Variants in KCNB2 observed in about 807,000 individuals in gnomAD.
The protein encoded by KCNB2 is delayed rectifier potassium channel protein.
In KCNB2, 15 loss-of-function variants were observed where a neutral mutation model predicts 61.5. That is an observed-to-expected ratio of 0.24 (90% CI 0.16 to 0.38). The LOEUF is 0.38. Ranked by LOEUF, KCNB2 falls within the 10% of genes least tolerant of loss-of-function variation. The pLI is 1.00. For synonymous variants in KCNB2, 457 were observed against 446.0 expected, an observed-to-expected ratio of 1.02 and a Z score of -0.31; for missense variants, 828 against 1,125.2, an observed-to-expected ratio of 0.74 and a Z score of 3.78.
chr8:72,595,037 G>A (rs796823680), intron 2 of KCNB2, among the ~76,000 whole-genome samples: 165 of 152,246 alleles, frequency 1.1e-3, no homozygotes, highest in African/African-American at 3.7e-3. Flanking sequence ...TAGTTTGAAA[G>A]TTCCTGAGGG....
intron 2 of KCNB2, among the ~76,000 whole-genome samples, chr8:72,633,587 T>C (rs1184203572): frequency 6.6e-6 from 1 of 152,136 alleles, no homozygotes; most frequent in Non-Finnish European, 1.5e-5. Context: ...CTGTTTTCTC[T>C]TAGAAGACTC....
intron 2 of KCNB2, among the ~76,000 whole-genome samples, chr8:72,676,515 T>C (rs1806656050): frequency 6.6e-6 from 1 of 150,718 alleles, no homozygotes; most frequent in African/African-American, 2.4e-5. Context: ...TTCTAGGTGG[T>C]ATTAAGAACT....
At chr8:72,747,098 G>C (rs1808088103) in intron 2 of KCNB2, among the ~76,000 whole-genome samples, 1 of 152,128 alleles carries the variant, frequency 6.6e-6, no homozygotes, top group South Asian at 2.1e-4. Flanking sequence ...CAGATCCCTA[G>C]AAATGGAAGG....
At chr8:72,766,060 C>G (rs1481243534) in intron 2 of KCNB2, among the ~76,000 whole-genome samples, 1 of 152,188 alleles carries the variant, frequency 6.6e-6, no homozygotes, top group East Asian at 1.9e-4. Flanking sequence ...TGCTTGTGCA[C>G]AATGAGAGGG....
rs1365575524 is a variant in KCNB2 at position 72,724,087 on chromosome 8, T to C, written c.579+155774T>C. Among the ~76,000 whole-genome samples, 3 of 152,174 alleles carry C rather than the reference T, an allele frequency of 2.0e-5. No homozygotes were observed. In the East Asian group the frequency reaches 5.8e-4, roughly 29 times the overall value. On this transcript the variant is annotated intron_variant, in intron 2 of 2. Coordinates refer to ENST00000523207, the MANE Select transcript of KCNB2 (RefSeq NM_004770.3). Reference sequence around the variant, plus strand: ...TTCAGAGTACCTTCCTCATATGAGTTAGAGCTTCTCATCTTCTGCTCAATT... The same window carrying C: ...TTCAGAGTACCTTCCTCATATGAGTCAGAGCTTCTCATCTTCTGCTCAATT...
chr8:72,770,813 T>C (rs964518197), intron 2 of KCNB2, among the ~76,000 whole-genome samples: 2 of 152,368 alleles, frequency 1.3e-5, no homozygotes. Context: ...ATAGATGCAG[T>C]ATACTGCAAA....
intron 2 of KCNB2, among the ~76,000 whole-genome samples, chr8:72,782,109 T>G (rs1171736225): frequency 6.6e-6 from 1 of 152,076 alleles, no homozygotes; most frequent in African/African-American, 2.4e-5. Flanking sequence ...ATCCTGGAAC[T>G]TAAAATAAAA....
intron 2 of KCNB2, among the ~76,000 whole-genome samples, chr8:72,782,195 T>G (rs1808770194): frequency 1.3e-5 from 2 of 152,182 alleles, no homozygotes; most frequent in Admixed American, 1.3e-4. Flanking sequence ...CATGAAGTTT[T>G]TATTATACTT....
At chr8:72,597,901 A>T (rs995311764) in intron 2 of KCNB2, among the ~76,000 whole-genome samples, 1 of 152,238 alleles carries the variant, frequency 6.6e-6, no homozygotes, top group African/African-American at 2.4e-5. Flanking sequence ...TAGTTCAACC[A>T]TTGTGGAAAA....
At chr8:72,660,304 T>TTTGG (rs1476074319) in intron 2 of KCNB2, among the ~76,000 whole-genome samples, 2 of 152,144 alleles carry the variant, frequency 1.3e-5, no homozygotes, top group Non-Finnish European at 2.9e-5. Flanking sequence ...CGGGAAGTGC[T>TTTGG]TTGGAGTGCC....
At chr8:72,556,847 A>G (rs1490381035) in intron 1 of KCNB2, among the ~76,000 whole-genome samples, 5 of 152,136 alleles carry the variant, frequency 3.3e-5, no homozygotes, top group Non-Finnish European at 7.4e-5. Flanking sequence ...ACTACAGGAT[A>G]TCTTAGACGA....
chr8:72,647,488 C>G (rs1029883068), intron 2 of KCNB2, among the ~76,000 whole-genome samples: 1 of 152,090 alleles, frequency 6.6e-6, no homozygotes, highest in African/African-American at 2.4e-5. Flanking sequence ...GACACCTACT[C>G]AGAGTTATAA....
At chr8:72,624,506 G>C (rs1805758919) in intron 2 of KCNB2, among the ~76,000 whole-genome samples, 1 of 151,984 alleles carries the variant, frequency 6.6e-6, no homozygotes, top group Non-Finnish European at 1.5e-5. Flanking sequence ...TTAGCAAATG[G>C]TTTTTGCTCA....
intron 2 of KCNB2, among the ~76,000 whole-genome samples, chr8:72,842,884 C>G (rs1809917138): frequency 6.6e-6 from 1 of 152,160 alleles, no homozygotes; most frequent in African/African-American, 2.4e-5. Flanking sequence ...TTCAGAAAAA[C>G]AGCTCCTGGA....
intron 2 of KCNB2, among the ~76,000 whole-genome samples, chr8:72,814,972 G>A (rs529487769): frequency 6.1e-4 from 93 of 152,248 alleles, no homozygotes; most frequent in Non-Finnish European, 1.1e-3. Context: ...AAACAAAGCA[G>A]AGCCAAGCAA....
chr8:72,648,464 T>C (rs553366561), intron 2 of KCNB2, among the ~76,000 whole-genome samples: 2 of 152,114 alleles, frequency 1.3e-5, no homozygotes, highest in South Asian at 2.1e-4. Flanking sequence ...TTTTAGTAGA[T>C]ACAGGGTCTA....
chr8:72,618,009 T>C (rs1805648866), intron 2 of KCNB2, among the ~76,000 whole-genome samples: 1 of 152,210 alleles, frequency 6.6e-6, no homozygotes, highest in Non-Finnish European at 1.5e-5. Context: ...TCTTTCATTA[T>C]GCAGTTGCTG....
At chr8:72,731,159 G>A (rs777042961) in intron 2 of KCNB2, among the ~76,000 whole-genome samples, 1 of 152,196 alleles carries the variant, frequency 6.6e-6, no homozygotes, top group Non-Finnish European at 1.5e-5. Flanking sequence ...AGTGAGTGGG[G>A]AAGATGGAGA....
chr8:72,934,541 T>A (rs1329703323), intron 2 of KCNB2, among the ~76,000 whole-genome samples: 1 of 152,172 alleles, frequency 6.6e-6, no homozygotes, highest in Non-Finnish European at 1.5e-5. Flanking sequence ...TGTAAACTAA[T>A]TTTTTAACAA....
Sources: gnomAD v4.1 joint callset for allele counts (sites outside exome capture counted in the v4.1 genomes callset) on GRCh38, gnomAD v4.1.1 for gene constraint, MANE v1.5 for transcripts, NCBI Gene and HGNC (gene_info 2026-07-23, HGNC 2026-07-21) for gene names.